EHD2: variants seen among roughly 807,000 people sequenced by gnomAD.
EHD2 encodes the protein EH domain containing 2.
In EHD2, 27 loss-of-function variants were observed where a neutral mutation model predicts 41.0. The observed-to-expected ratio is 0.66, with a 90% CI of 0.49 to 0.91. The LOEUF is 0.91. Ranked by LOEUF, EHD2 falls within the 40% of genes least tolerant of loss-of-function variation. EHD2 has a pLI of 0.00. For missense variants in EHD2, 673 were observed against 773.9 expected, an observed-to-expected ratio of 0.87 and a Z score of 1.55; for synonymous variants, 342 against 341.0, an observed-to-expected ratio of 1.00 and a Z score of -0.03.
chr19:47,741,204 C>T lies in EHD2; in HGVS notation c.1404C>T (p.Ser468=), dbSNP rs374902394. ...YNLAPADGKL[S]GSKAKTWMVG... ...TGGCGCCTGCCGACGGCAAGCTGAG[C>T]GGCTCCAAGGCCAAGACCTGGATGG... The change falls in exon 6 of 6, where the codon AGC becomes AGT. Residue 468 remains serine (S), a synonymous_variant. Transcript: ENST00000263277. This position sits in a 1 kb window ranked among gnomAD's most constrained non-coding sequence, Gnocchi z 4.5. 24 of 1,613,766 alleles carry T rather than the reference C, an allele frequency of 1.5e-5. No homozygotes were observed. The highest frequency in any genetic ancestry group is 8.8e-5 in the South Asian group (8 of 91,018).
intron 4 of EHD2, among the ~76,000 whole-genome samples, chr19:47,734,988 G>T (rs1966906658): frequency 6.6e-6 from 1 of 152,148 alleles, no homozygotes; most frequent in East Asian, 1.9e-4. Context: ...GGAGGTGGAG[G>T]TTGCAGTGAG....
intron 4 of EHD2, among the ~76,000 whole-genome samples, chr19:47,735,573 G>C (rs1278104543): frequency 6.6e-6 from 1 of 151,744 alleles, no homozygotes; most frequent in Non-Finnish European, 1.5e-5. Flanking sequence ...ACTCCTGGCT[G>C]GGTGATAGAG....
At chr19:47,736,618 C>T (rs999047883) in intron 5 of EHD2, 85 bp downstream of exon 5, 105 of 1,433,300 alleles carry the variant, frequency 7.3e-5, no homozygotes, top group East Asian at 1.2e-4. Context: ...CCTCAAAAGC[C>T]AGAGGGATGG....
chr19:47,729,457 G>A (rs1298496949), intron 4 of EHD2, among the ~76,000 whole-genome samples: 1 of 152,134 alleles, frequency 6.6e-6, no homozygotes, highest in Non-Finnish European at 1.5e-5. Flanking sequence ...GGAGCCTGGA[G>A]ACCAGGCAAA....
intron 4 of EHD2, chr19:47,731,282 A>ATATATATATATATT: frequency 1.6e-5 from 1 of 60,694 alleles, no homozygotes. Flanking sequence ...AAAAAAAAAT[A>ATATATATATATATT]TATATATATA....
At position 47,719,317 on chromosome 19, in the gene EHD2, G is replaced by A. The variant is rs1221174562; in HGVS notation, c.502+711G>A. Reference sequence around the variant, plus strand: ...GGGCAGGGGAGGCTGGGCCCTGCGAGCTCCTGGCTCTGCGTCTGGGCCACA... The same window carrying A: ...GGGCAGGGGAGGCTGGGCCCTGCGAACTCCTGGCTCTGCGTCTGGGCCACA... On this transcript the variant is annotated intron_variant, in intron 3 of 5. Transcript: ENST00000263277. The surrounding 1 kb of genome is among the most constrained non-coding windows in gnomAD (Gnocchi z 4.1). 6.6e-6 allele frequency among the ~76,000 whole-genome samples: 1 copy of A among 152,114 alleles called. No homozygotes were observed. Among genetic ancestry groups the A allele is most frequent in the Non-Finnish European group, 1.5e-5 (1 of 68,002 alleles).
Position 47,719,116 on chromosome 19 carries a change from G to A in EHD2, c.502+510G>A, listed in dbSNP as rs1973667949. Among the ~76,000 whole-genome samples, 1 of 152,188 alleles carries A rather than the reference G, an allele frequency of 6.6e-6. No individual in the cohort carries two copies. Among genetic ancestry groups the A allele is most frequent in the East Asian group, 1.9e-4 (1 of 5,184 alleles). ...ATGCTGGCTCGCATTGATGGGTGGG[G>A]GAGGTGTGTGGGTGACCACGTGGTG... On this transcript the variant is annotated intron_variant, in intron 3 of 5. Transcript: ENST00000263277. The surrounding 1 kb of genome is among the most constrained non-coding windows in gnomAD (Gnocchi z 4.1).
At position 47,713,466 on chromosome 19, in the gene EHD2, G is replaced by C. The variant is rs1973594414; in HGVS notation, c.-128G>C. 1 of 152,336 alleles carries C rather than the reference G, an allele frequency of 6.6e-6. No homozygotes were observed. The highest frequency in any genetic ancestry group is 1.5e-5 in the Non-Finnish European group (1 of 68,176). 9.4% of individuals were successfully genotyped at this position (152,336 alleles called of 1,614,324 possible). On this transcript the variant is annotated 5_prime_UTR_variant, in exon 1 of 6. Transcript: ENST00000263277. ...CGCGAGCACAGGCCGCTCCGCGGGC[G>C]CTTCGGATCCTCGCGGGACCCCACC...
intron 5 of EHD2, 150 bp downstream of exon 5, chr19:47,736,683 A>G: frequency 1.2e-6 from 1 of 858,606 alleles, no homozygotes; most frequent in Non-Finnish European, 1.7e-6. Flanking sequence ...GCATGGTTTT[A>G]TGAGTCAGGC....
intron 2 of EHD2, among the ~76,000 whole-genome samples, chr19:47,717,797 A>G (rs1172420800): frequency 6.7e-6 from 1 of 149,908 alleles, no homozygotes; most frequent in Admixed American, 6.7e-5. Context: ...AATCCCAGCT[A>G]CTCGGGAGGC....
Position 47,726,020 on chromosome 19 carries a change from G to C in EHD2, c.711G>C (p.Met237Ile). The C allele has an allele frequency of 6.2e-7, 1 of 1,600,960 alleles. No individual in the cohort carries two copies. The highest frequency in any genetic ancestry group is 8.5e-7 in the Non-Finnish European group (1 of 1,172,918). The change falls in exon 4 of 6, where the codon ATG becomes ATC. Residue 237 changes from methionine (M) to isoleucine (I), a missense_variant. Transcript: ENST00000263277. ...TGATGCGCGTCTACGGCGCGCTCATGTGGGCGCTGGGCAAGGTGGTGGGCA... is the reference window on the plus strand; with the variant it reads ...TGATGCGCGTCTACGGCGCGCTCATCTGGGCGCTGGGCAAGGTGGTGGGCA... ...QQLMRVYGAL[M>I]WALGKVVGTP...
At chr19:47,720,286 C>T (rs1346441163) in intron 3 of EHD2, among the ~76,000 whole-genome samples, 2 of 152,110 alleles carry the variant, frequency 1.3e-5, no homozygotes, top group Non-Finnish European at 2.9e-5. Flanking sequence ...GCCTCAGCCT[C>T]CTGAGTAGCC....
At chr19:47,713,809 T>TC (rs1029938271) in intron 1 of EHD2, among the ~76,000 whole-genome samples, 9 of 149,964 alleles carry the variant, frequency 6.0e-5, no homozygotes, top group Admixed American at 2.0e-4. Context: ...CCCCTCCCTA[T>TC]CCCCTGGGCT....
At position 47,740,906 on chromosome 19, in the gene EHD2, C is replaced by G; in HGVS notation, c.1106C>G (p.Thr369Ser). 1 of 1,613,346 alleles carries G rather than the reference C, an allele frequency of 6.2e-7. No individual in the cohort carries two copies. The highest frequency in any genetic ancestry group is 8.5e-7 in the Non-Finnish European group (1 of 1,179,910). The change falls in exon 6 of 6, where the codon ACC (threonine) becomes AGC (serine). Residue 369 changes from threonine (T) to serine (S), a missense_variant. Thr to Ser is a moderately conservative substitution (Grantham distance 58). Transcript: ENST00000263277. ...GAGCTGCTGATGGCGCACGACTTCA[C>G]CAAGTTTCACTCGCTGAAGCCGAAG... ...MQELLMAHDF[T>S]KFHSLKPKLL...
rs1973669162 is a variant in EHD2, at chr19:47,719,216, G to A, written c.502+610G>A. Among the ~76,000 whole-genome samples the A allele has an allele frequency of 6.6e-6, 1 of 152,092 alleles. No homozygotes were observed. Among genetic ancestry groups the A allele is most frequent in the Admixed American group, 6.6e-5 (1 of 15,266 alleles). ...AGAGATGAAGAGGGACAGGGATTCC[G>A]AGGCAGTGAGACAGCGACGCAGGGA... On this transcript the variant is annotated intron_variant, in intron 3 of 5. Coordinates refer to ENST00000263277, the MANE Select transcript of EHD2 (RefSeq NM_014601.4). This position sits in a 1 kb window ranked among gnomAD's most constrained non-coding sequence, Gnocchi z 4.1.
chr19:47,728,474 GTCCTT>G, intron 4 of EHD2, among the ~76,000 whole-genome samples: 1 of 151,670 alleles, frequency 6.6e-6, no homozygotes, highest in East Asian at 1.9e-4. Flanking sequence ...TAACCCTGTT[GTCCTT>G]TCCTTTCCTT....
chr19:47,717,278 G>T (rs1054602933), intron 2 of EHD2, among the ~76,000 whole-genome samples: 6 of 151,920 alleles, frequency 3.9e-5, no homozygotes, highest in African/African-American at 1.5e-4. Flanking sequence ...TGAACTCCTG[G>T]CCTCAAGTGA....
In EHD2 at chr19:47,716,887, C is replaced by T; in HGVS notation, c.275C>T (p.Pro92Leu). ...CCCGGCTCCCGCGTGGGGCCTGAGC[C>T]CACCACCGACTGCTTTGTGGCCGTC... ...EVPGSRVGPE[P>L]TTDCFVAVMH... The change falls in exon 2 of 6, where the codon CCC (proline) becomes CTC (leucine). Residue 92 changes from proline to leucine, a missense_variant. Coordinates refer to ENST00000263277, the MANE Select transcript of EHD2 (RefSeq NM_014601.4). The T allele has an allele frequency of 1.2e-6, 2 of 1,612,754 alleles. No homozygotes were observed. The highest frequency in any genetic ancestry group is 1.7e-6 in the Non-Finnish European group (2 of 1,179,804).
chr19:47,716,390 C>A (rs1973624730), intron 1 of EHD2, among the ~76,000 whole-genome samples, 168 bp from the exon 2 acceptor site: 1 of 152,062 alleles, frequency 6.6e-6, no homozygotes, highest in Admixed American at 6.6e-5. Flanking sequence ...TTCCATTCTT[C>A]CTCCTGCCAC....
Sources: allele counts gnomAD v4.1 joint callset (sites outside exome capture counted in the v4.1 genomes callset), GRCh38; gene constraint gnomAD v4.1.1; non-coding constraint Gnocchi (gnomAD v3.1); transcripts MANE v1.5; gene names NCBI Gene and HGNC (gene_info 2026-07-23, HGNC 2026-07-21).